The following SLC47A1 variants were observed in gnomAD, a reference collection of about 807,000 sequenced individuals.
SLC47A1 encodes the protein solute carrier family 47 member 1.
SLC47A1 carries 58 observed loss-of-function variants against 65.8 expected under a neutral mutation model. That is an observed-to-expected ratio of 0.88 (90% CI 0.71 to 1.10). The LOEUF (loss-of-function observed/expected upper bound fraction) is 1.10. SLC47A1 is among the 50% of genes least tolerant of loss of function. The pLI, the probability that SLC47A1 is intolerant of heterozygous loss-of-function variation, is 0.00. For synonymous variants in SLC47A1, 285 were observed against 295.0 expected, an observed-to-expected ratio of 0.97 and a Z score of 0.35; for missense variants, 706 against 719.2, an observed-to-expected ratio of 0.98 and a Z score of 0.21.
intron 2 of SLC47A1, 56 bp downstream of exon 2, chr17:19,542,550 G>C: frequency 7.3e-7 from 1 of 1,371,620 alleles, no homozygotes; most frequent in South Asian, 1.3e-5. Flanking sequence ...GCCTTCTGCT[G>C]CTACTATAAC....
intron 16 of SLC47A1, 117 bp from the exon 17 acceptor site, chr17:19,577,210 T>C (rs1399701877): frequency 1.5e-6 from 2 of 1,362,088 alleles, no homozygotes; most frequent in Admixed American, 5.1e-5. Context: ...ACTGTAGCAA[T>C]AGTGTCCTGA....
rs757071966 is a variant in SLC47A1, at chr17:19,551,428, C to A, written c.503C>A (p.Thr168Asn). Residue 168 changes from threonine to asparagine, a missense_variant, in exon 6 of 17, where the codon ACC (threonine) becomes AAC (asparagine). Transcript: ENST00000270570. Reference protein sequence around the residue: ...VTIFIPALPATFLYMLQVKYL... With the variant: ...VTIFIPALPANFLYMLQVKYL... ...ATCTCTCTTGTTCTCTTGTAGGCAA[C>A]CTTTCTTTATATGTTACAAGTTAAA... The A allele has an allele frequency of 2.5e-6, 4 of 1,607,740 alleles. 1 individual carries two copies. The South Asian group carries it at 4.4e-5, about 18-fold the overall frequency.
At chr17:19,561,376 G>T (rs1303980942) in intron 12 of SLC47A1, among the ~76,000 whole-genome samples, 1 of 152,092 alleles carries the variant, frequency 6.6e-6, no homozygotes, top group African/African-American at 2.4e-5. Flanking sequence ...GGGCGCGGTG[G>T]CTCACACCTG....
chr17:19,555,486 G>T, intron 7 of SLC47A1, 107 bp from the exon 8 acceptor site: 1 of 1,331,204 alleles, frequency 7.5e-7, no homozygotes, highest in Non-Finnish European at 1.1e-6. Flanking sequence ...AGAAGACCTT[G>T]GCCTGCTGAG....
intron 14 of SLC47A1, among the ~76,000 whole-genome samples, chr17:19,570,249 A>G (rs1279779036): frequency 6.6e-6 from 1 of 152,242 alleles, no homozygotes; most frequent in African/African-American, 2.4e-5. Flanking sequence ...CCTTACATAG[A>G]TCTGGACAGC....
At chr17:19,563,227 G>A (rs369069505) in intron 12 of SLC47A1, among the ~76,000 whole-genome samples, 59 of 144,254 alleles carry the variant, frequency 4.1e-4, no homozygotes, top group African/African-American at 1.5e-3. Context: ...CTGCCTCCCG[G>A]GTTCACGCCA....
At chr17:19,560,007 G>T (rs2084294870) in intron 10 of SLC47A1, 181 bp from the exon 11 acceptor site, 1 of 575,778 alleles carries the variant, frequency 1.7e-6, no homozygotes, top group South Asian at 2.1e-5. Flanking sequence ...GTAACCTGGG[G>T]CTCAGTTTCC....
chr17:19,563,685 A>C (rs1013420513), intron 12 of SLC47A1, among the ~76,000 whole-genome samples: 3 of 152,132 alleles, frequency 2.0e-5, no homozygotes, highest in African/African-American at 7.2e-5. Context: ...TAAAAATCCA[A>C]AATAAAATGT....
intron 15 of SLC47A1, among the ~76,000 whole-genome samples, chr17:19,572,377 T>G (rs1404929642): frequency 6.6e-6 from 1 of 151,892 alleles, no homozygotes; most frequent in African/African-American, 2.4e-5. Context: ...CGCTGGAGTC[T>G]CAACCTCCTG....
At chr17:19,555,068 G>A in intron 6 of SLC47A1, 144 bp from the exon 7 acceptor site, 1 of 715,224 alleles carries the variant, frequency 1.4e-6, no homozygotes. Context: ...GGAGCAACAA[G>A]GACATGACCT....
chr17:19,556,711 ACCACGCCCAGC>A (rs1916624729), intron 10 of SLC47A1, among the ~76,000 whole-genome samples: 1 of 152,030 alleles, frequency 6.6e-6, no homozygotes, highest in African/African-American at 2.4e-5. Context: ...GGTGCCTGCC[ACCACGCCCAGC>A]TAATTTTGTA....
At chr17:19,544,886 T>C (rs558626767) in intron 2 of SLC47A1, among the ~76,000 whole-genome samples, 1 of 152,316 alleles carries the variant, frequency 6.6e-6, no homozygotes, top group African/African-American at 2.4e-5. Context: ...GTAACCGTAA[T>C]AGGCTTGTCA....
rs775628003 is a variant in SLC47A1 at position 19,556,007 on chromosome 17, T to C, written c.866T>C (p.Met289Thr). The change falls in exon 10 of 17, where the codon ATG (methionine) becomes ACG (threonine). Residue 289 changes from methionine to threonine, a missense_variant. By Grantham distance (81) the Met-to-Thr change is moderately conservative (BLOSUM62 -1). Transcript: ENST00000270570. ...VGSFLSGILGMVELGAQSIVY... is the reference protein window; with the variant it reads ...VGSFLSGILGTVELGAQSIVY... ...CTTTCTTCACCAGGCATCCTCGGCA[T>C]GGTGGAGCTGGGCGCTCAGTCCATC... 6.2e-7 allele frequency: 1 copy of C among 1,614,180 alleles called. No individual in the cohort carries two copies. The highest frequency in any genetic ancestry group is 8.5e-7 in the Non-Finnish European group (1 of 1,180,032).
At chr17:19,563,397 G>T (rs1381486341) in intron 12 of SLC47A1, among the ~76,000 whole-genome samples, 4 of 151,904 alleles carry the variant, frequency 2.6e-5, no homozygotes, top group Admixed American at 6.6e-5. Flanking sequence ...CTCCCAAAGT[G>T]CTGGGATTAC....
intron 15 of SLC47A1, among the ~76,000 whole-genome samples, chr17:19,571,817 C>CA (rs1341141116): frequency 6.6e-6 from 1 of 152,190 alleles, no homozygotes; most frequent in East Asian, 1.9e-4. Flanking sequence ...CAGGCTGTCA[C>CA]CCTTGTGCAG....
At chr17:19,544,435 G>C (rs540919379) in intron 2 of SLC47A1, among the ~76,000 whole-genome samples, 3 of 152,376 alleles carry the variant, frequency 2.0e-5, no homozygotes, top group South Asian at 4.1e-4. Context: ...CTTCCAGGCT[G>C]GGTGCAGTTT....
intron 10 of SLC47A1, among the ~76,000 whole-genome samples, chr17:19,556,818 A>C (rs1466111252): frequency 1.3e-5 from 2 of 152,182 alleles, no homozygotes; most frequent in African/African-American, 4.8e-5. Flanking sequence ...TGGCCTCTCA[A>C]AGTGTTGGGA....
intron 16 of SLC47A1, 152 bp from the exon 17 acceptor site, chr17:19,577,175 G>A (rs2084447252): frequency 1.7e-6 from 2 of 1,167,444 alleles, no homozygotes; most frequent in South Asian, 1.7e-5. Context: ...GGGGCACTCT[G>A]CGATAAGATT....
Position 19,555,337 on chromosome 17 carries a change from G to C in SLC47A1, c.641+28G>C, listed in dbSNP as rs751850105. On this transcript the variant is annotated intron_variant, in intron 7 of 16. Transcript: ENST00000270570. The stretch of plus-strand genomic sequence containing the variant: ...GAGTCCAACATACTCTTGGGACAGG[G>C]AGAAGGGATGACTTGCATGTGGTTT... 12 of 1,610,008 alleles carry C rather than the reference G, an allele frequency of 7.5e-6. No individual in the cohort carries two copies. In the Admixed American group the frequency reaches 2.0e-4, roughly 27 times the overall value.
Sources: allele counts gnomAD v4.1 joint callset (sites outside exome capture counted in the v4.1 genomes callset), GRCh38; gene constraint gnomAD v4.1.1; transcripts MANE v1.5; gene names NCBI Gene and HGNC (gene_info 2026-07-23, HGNC 2026-07-21).